CHCHD6: variants seen among roughly 807,000 people sequenced by gnomAD.
CHCHD6 encodes the protein coiled-coil-helix-coiled-coil-helix domain containing 6.
CHCHD6 carries 28 observed loss-of-function variants against 32.3 expected under a neutral mutation model. The observed-to-expected ratio is 0.87, with a 90% CI of 0.64 to 1.19. The LOEUF is 1.19. Ranked by LOEUF, CHCHD6 falls within the 50% of genes most tolerant of loss-of-function variation. The pLI, the probability that CHCHD6 is intolerant of heterozygous loss-of-function variation, is 0.00. For missense variants in CHCHD6, 333 were observed against 307.0 expected (o/e 1.08, Z -0.63); for synonymous variants, 122 against 117.5 (o/e 1.04, Z -0.25).
chr3:126,733,747 G>C (rs1935917410), intron 4 of CHCHD6, among the ~76,000 whole-genome samples: 1 of 152,218 alleles, frequency 6.6e-6, no homozygotes, highest in Non-Finnish European at 1.5e-5. Context: ...CCAGGACTTA[G>C]CACATGCTGG....
intron 4 of CHCHD6, among the ~76,000 whole-genome samples, chr3:126,847,971 CT>C (rs1208977581): frequency 6.6e-6 from 1 of 152,074 alleles, no homozygotes; most frequent in African/African-American, 2.4e-5. Flanking sequence ...TTTTATCAGA[CT>C]TTTTATCTTT....
At chr3:126,936,152 A>G (rs1476504329) in intron 6 of CHCHD6, among the ~76,000 whole-genome samples, 1 of 152,226 alleles carries the variant, frequency 6.6e-6, no homozygotes, top group Non-Finnish European at 1.5e-5. Flanking sequence ...CTTTCCTCTC[A>G]GCCAGGTGAA....
chr3:126,874,545 T>C (rs572142931), intron 5 of CHCHD6, among the ~76,000 whole-genome samples: 36 of 152,296 alleles, frequency 2.4e-4, no homozygotes, highest in African/African-American at 7.5e-4. Context: ...AACCATCATC[T>C]TCCCCGGGAA....
At chr3:126,834,040 C>T (rs1299835496) in intron 4 of CHCHD6, among the ~76,000 whole-genome samples, 2 of 110,728 alleles carry the variant, frequency 1.8e-5, no homozygotes, top group African/African-American at 3.9e-5. Context: ...GGCGACAGAG[C>T]GAGACTCCGT....
At chr3:126,782,849 A>T (rs1266812886) in intron 4 of CHCHD6, among the ~76,000 whole-genome samples, 2 of 152,124 alleles carry the variant, frequency 1.3e-5, no homozygotes, top group Non-Finnish European at 2.9e-5. Flanking sequence ...CCCAAAACAC[A>T]CATAATCAAC....
intron 6 of CHCHD6, among the ~76,000 whole-genome samples, chr3:126,948,654 C>T (rs976778296): frequency 1.3e-5 from 2 of 152,206 alleles, no homozygotes; most frequent in Admixed American, 1.3e-4. Context: ...GTCTAGTTCT[C>T]AGGAGCCCCT....
At position 126,704,346 on chromosome 3, in the gene CHCHD6, G is replaced by A. The variant is rs1225650575; in HGVS notation, c.34G>A (p.Val12Met). The change falls in exon 1 of 8, where the codon GTG becomes ATG. Residue 12 changes from valine to methionine, a missense_variant. Transcript: ENST00000290913. ...CACGGAGAGCAGCGAGGGCCGCAGGGTGTCCTTCGGAGTGGACGAGGAGGA... is the reference window on the plus strand; with the variant it reads ...CACGGAGAGCAGCGAGGGCCGCAGGATGTCCTTCGGAGTGGACGAGGAGGA... The part of the protein sequence containing the change: ...GSTESSEGRR[V>M]SFGVDEEERV... 2 of 1,599,192 alleles carry A rather than the reference G, an allele frequency of 1.3e-6. No homozygotes were observed. Among genetic ancestry groups the A allele is most frequent in the Non-Finnish European group, 1.7e-6 (2 of 1,174,484 alleles).
intron 6 of CHCHD6, among the ~76,000 whole-genome samples, chr3:126,941,775 TC>T (rs1302095942): frequency 6.6e-6 from 1 of 152,182 alleles, no homozygotes; most frequent in Non-Finnish European, 1.5e-5. Context: ...ATTGTCTTTT[TC>T]TGACATGATA....
At chr3:126,941,287 T>C (rs912509285) in intron 6 of CHCHD6, among the ~76,000 whole-genome samples, 9 of 152,242 alleles carry the variant, frequency 5.9e-5, no homozygotes, top group Non-Finnish European at 8.8e-5. Flanking sequence ...AGCACTGATA[T>C]AAAATTTCAC....
chr3:126,805,166 C>A (rs1445652775), intron 4 of CHCHD6, among the ~76,000 whole-genome samples: 1 of 152,192 alleles, frequency 6.6e-6, no homozygotes, highest in Non-Finnish European at 1.5e-5. Context: ...TCTCTCACCA[C>A]CCCTATTCAA....
intron 5 of CHCHD6, among the ~76,000 whole-genome samples, chr3:126,872,405 T>A (rs1019118705): frequency 1.3e-5 from 2 of 152,124 alleles, no homozygotes; most frequent in Admixed American, 6.5e-5. Context: ...GAGATCCTAT[T>A]TGGGGCAACT....
chr3:126,816,799 G>C (rs1939928364), intron 4 of CHCHD6, among the ~76,000 whole-genome samples: 1 of 151,952 alleles, frequency 6.6e-6, no homozygotes, highest in Non-Finnish European at 1.5e-5. Context: ...TGCCATGTTG[G>C]TGTGCTGCAC....
At chr3:126,805,861 T>C (rs1050065320) in intron 4 of CHCHD6, among the ~76,000 whole-genome samples, 3 of 151,932 alleles carry the variant, frequency 2.0e-5, no homozygotes, top group Non-Finnish European at 4.4e-5. Context: ...GAGATATAGA[T>C]CAATGGAACA....
intron 6 of CHCHD6, among the ~76,000 whole-genome samples, chr3:126,923,067 C>T (rs1286199994): frequency 6.6e-6 from 1 of 152,204 alleles, no homozygotes; most frequent in Admixed American, 6.5e-5. Flanking sequence ...GTCTGCTGAA[C>T]CTGGATGGGG....
chr3:126,722,783 G>T (rs1029491384), intron 1 of CHCHD6, among the ~76,000 whole-genome samples: 3 of 151,968 alleles, frequency 2.0e-5, no homozygotes, highest in African/African-American at 7.3e-5. Context: ...GTGTCATTTG[G>T]TACTCAAAAC....
chr3:126,857,917 G>A (rs1429606496), intron 5 of CHCHD6, among the ~76,000 whole-genome samples: 1 of 152,162 alleles, frequency 6.6e-6, no homozygotes, highest in African/African-American at 2.4e-5. Context: ...GCTGAACATG[G>A]GTATGCCCCA....
At chr3:126,829,681 CTCTA>C (rs1369236283) in intron 4 of CHCHD6, among the ~76,000 whole-genome samples, 1 of 152,092 alleles carries the variant, frequency 6.6e-6, no homozygotes, top group Admixed American at 6.6e-5. Context: ...CTCTCTTTCT[CTCTA>C]TCATGTGACG....
At chr3:126,725,025 T>C (rs1001562258) in intron 1 of CHCHD6, among the ~76,000 whole-genome samples, 12 of 152,206 alleles carry the variant, frequency 7.9e-5, no homozygotes, top group Admixed American at 3.9e-4. Context: ...AATCTACTTC[T>C]TTTAGACTCC....
chr3:126,735,094 C>G (rs182236120), intron 4 of CHCHD6, among the ~76,000 whole-genome samples: 21 of 152,236 alleles, frequency 1.4e-4, no homozygotes, highest in Admixed American at 4.6e-4. Flanking sequence ...GGCAGCCTGA[C>G]AACCAAGTAA....
Sources: gnomAD v4.1 joint callset for allele counts (sites outside exome capture counted in the v4.1 genomes callset) on GRCh38, gnomAD v4.1.1 for gene constraint, MANE v1.5 for transcripts, NCBI Gene and HGNC (gene_info 2026-07-23, HGNC 2026-07-21) for gene names.